Variants in UTRN observed in about 807,000 individuals in gnomAD.
The protein encoded by UTRN is dystrophin-related protein 1.
UTRN carries 283 observed loss-of-function variants against 463.9 expected under a neutral mutation model. The ratio of observed to expected loss-of-function variants is 0.61; its 90% CI spans 0.55 to 0.67. The LOEUF is 0.67. Among genes scored for constraint, UTRN ranks in the 30% least tolerant of loss-of-function variants. The pLI, the probability that UTRN is intolerant of heterozygous loss-of-function variation, is 0.00. For missense variants in UTRN, 3,922 were observed against 4,084.3 expected (o/e 0.96, Z 1.08); for synonymous variants, 1,442 against 1,431.5 (o/e 1.01, Z -0.17).
chr6:144,701,026 C>G (rs927494115), intron 53 of UTRN, among the ~76,000 whole-genome samples: 3 of 152,058 alleles, frequency 2.0e-5, no homozygotes, highest in African/African-American at 7.2e-5. Context: ...CCTGCCTCAG[C>G]CTCCCAAGTA....
intron 51 of UTRN, among the ~76,000 whole-genome samples, chr6:144,603,267 T>A (rs1365407797): frequency 6.6e-6 from 1 of 152,214 alleles, no homozygotes; most frequent in East Asian, 1.9e-4. Flanking sequence ...TATCTTTTAC[T>A]GTAACAAATG....
At chr6:144,619,973 TG>T (rs1189739797) in intron 51 of UTRN, among the ~76,000 whole-genome samples, 2 of 152,172 alleles carry the variant, frequency 1.3e-5, no homozygotes, top group Non-Finnish European at 2.9e-5. Flanking sequence ...ACATGTAATG[TG>T]TAAGTGTGGA....
chr6:144,656,721 A>G (rs980296736), intron 51 of UTRN, among the ~76,000 whole-genome samples: 1 of 152,218 alleles, frequency 6.6e-6, no homozygotes, highest in Non-Finnish European at 1.5e-5. Flanking sequence ...TATATTAGAT[A>G]TTTAGCTATT....
intron 2 of UTRN, among the ~76,000 whole-genome samples, chr6:144,336,714 C>T (rs1288442396): frequency 6.6e-6 from 1 of 152,092 alleles, no homozygotes; most frequent in East Asian, 1.9e-4. Flanking sequence ...ATTACTCCCT[C>T]TTTCTTTTTT....
At chr6:144,754,644 T>C in intron 56 of UTRN, 76 bp from the exon 57 acceptor site, 1 of 1,517,110 alleles carries the variant, frequency 6.6e-7, no homozygotes, top group Non-Finnish European at 9.1e-7. Flanking sequence ...ATTATAGTCT[T>C]TAAAGCAAAA....
At chr6:144,289,821 G>A (rs1453019243) in intron 1 of UTRN, among the ~76,000 whole-genome samples, 1 of 151,750 alleles carries the variant, frequency 6.6e-6, no homozygotes. Flanking sequence ...GCTAATTTTT[G>A]TATTTTTTTT....
chr6:144,444,326 C>A lies in UTRN; in HGVS notation c.1558C>A (p.Arg520Ser). 1.9e-6 allele frequency: 3 copies of A among 1,611,456 alleles called. No individual in the cohort carries two copies. Among genetic ancestry groups the A allele is most frequent in the East Asian group, 4.5e-5 (2 of 44,642 alleles). The change falls in exon 14 of 75, where the codon CGC becomes AGC. Residue 520 changes from arginine (R) to serine (S), a missense_variant. By Grantham distance (110) the Arg-to-Ser change is moderately radical (BLOSUM62 -1). Around this residue, in one of 3 missense-constraint regions of UTRN, gnomAD observed 2,349 missense variants for 2,303.8 expected, o/e 1.02. Coordinates refer to ENST00000367545, the MANE Select transcript of UTRN (RefSeq NM_007124.3). ...WTAVCRWTEE[R>S]WNRLQEINIL... is the part of the protein sequence containing the mutation. The stretch of plus-strand genomic sequence containing the variant: ...AGCAGTATGCCGTTGGACTGAAGAA[C>A]GCTGGAATAGGTTACAAGAAATCAA...
chr6:144,507,215 C>T (rs1466986970), intron 34 of UTRN, among the ~76,000 whole-genome samples: 3 of 151,714 alleles, frequency 2.0e-5, no homozygotes, highest in Admixed American at 2.0e-4. Flanking sequence ...AGAACTTGCT[C>T]CTTTAGCTTG....
At chr6:144,653,361 G>A (rs980057895) in intron 51 of UTRN, among the ~76,000 whole-genome samples, 1 of 152,132 alleles carries the variant, frequency 6.6e-6, no homozygotes, top group Non-Finnish European at 1.5e-5. Flanking sequence ...TGAGGCAAGT[G>A]GATCACGAGG....
At chr6:144,809,521 A>G (rs764910968) in intron 65 of UTRN, among the ~76,000 whole-genome samples, 3 of 152,164 alleles carry the variant, frequency 2.0e-5, no homozygotes. Flanking sequence ...GAAGAGGTTT[A>G]TTTATAATAT....
rs996361984 is a variant in UTRN at position 144,302,863 on chromosome 6, G to A, written c.79+10956G>A. ...ACAGTGTGGGAAGAACATTGCAGAT[G>A]ATGAGAAAAGAGCAAGGCATTTGAA... On this transcript the variant is annotated intron_variant, in intron 2 of 74. Coordinates refer to ENST00000367545, the MANE Select transcript of UTRN (RefSeq NM_007124.3). 2.6e-5 allele frequency among the ~76,000 whole-genome samples: 4 copies of A among 152,298 alleles called. No individual in the cohort carries two copies. In the South Asian group the frequency reaches 8.3e-4, roughly 32 times the overall value.
intron 4 of UTRN, 132 bp from the exon 5 acceptor site, chr6:144,423,417 C>A: frequency 1.2e-6 from 1 of 813,850 alleles, no homozygotes; most frequent in Non-Finnish European, 2.0e-6. Flanking sequence ...TAACCTGAGA[C>A]CTCAGCCAGA....
At chr6:144,512,568 T>G (rs934873192) in intron 35 of UTRN, among the ~76,000 whole-genome samples, 2 of 152,078 alleles carry the variant, frequency 1.3e-5, no homozygotes, top group African/African-American at 4.8e-5. Context: ...TTTTTTTTTT[T>G]TCTGAGGCTG....
chr6:144,521,952 TA>T lies in UTRN; in HGVS notation c.5542-27del, dbSNP rs374237571. 6.8e-3 allele frequency: 7,894 copies of T among 1,153,810 alleles called. 51 individuals carry two copies. Among genetic ancestry groups the T allele is most frequent in the African/African-American group, 0.055 (2,719 of 49,596 alleles). The allele number at this position is 1,153,810 out of a possible 1,614,324, so 71.5% of individuals were successfully genotyped here. A position where few individuals can be genotyped will look rare whatever the true frequency, so the allele number is the denominator to read the frequency against. ...ATTTTAAGAGATATATATATATATA[TA>T]TATTTTTTTTTTTGCTGTTTTTGTA... On this transcript the variant is annotated intron_variant, in intron 39 of 74. Coordinates refer to ENST00000367545, the MANE Select transcript of UTRN (RefSeq NM_007124.3).
intron 2 of UTRN, among the ~76,000 whole-genome samples, chr6:144,371,181 G>A (rs1205953574): frequency 6.6e-6 from 1 of 152,134 alleles, no homozygotes; most frequent in Non-Finnish European, 1.5e-5. Flanking sequence ...ACTAACGTGA[G>A]TATTAAAATA....
chr6:144,759,695 T>C (rs1383777966), intron 58 of UTRN, among the ~76,000 whole-genome samples: 1 of 152,090 alleles, frequency 6.6e-6, no homozygotes, highest in East Asian at 1.9e-4. Context: ...TTGAGAATGC[T>C]AGCTACTAGC....
Position 144,453,851 on chromosome 6 carries a change from G to T in UTRN, c.2266G>T (p.Val756Leu), listed in dbSNP as rs755018162. ...DELNQTGQIL[V>L]EQMGKEGLPT... ...ATTAAACCAAACTGGACAAATCCTTGTGGAGCAAATGGGAAAAGGTAAGAT... is the reference window on the plus strand; with the variant it reads ...ATTAAACCAAACTGGACAAATCCTTTTGGAGCAAATGGGAAAAGGTAAGAT... The change falls in exon 19 of 75, where the codon GTG (valine) becomes TTG (leucine). Residue 756 changes from valine to leucine, a missense_variant. Transcript: ENST00000367545. 1 of 1,613,306 alleles carries T rather than the reference G, an allele frequency of 6.2e-7. No individual in the cohort carries two copies. The highest frequency in any genetic ancestry group is 1.1e-5 in the South Asian group (1 of 90,984).
At chr6:144,601,950 A>G (rs1804293238) in intron 51 of UTRN, among the ~76,000 whole-genome samples, 1 of 152,150 alleles carries the variant, frequency 6.6e-6, no homozygotes, top group African/African-American at 2.4e-5. Flanking sequence ...CAGATAGACA[A>G]TCGTTAGCAT....
chr6:144,706,005 A>G (rs1785050369), intron 53 of UTRN, among the ~76,000 whole-genome samples: 1 of 152,032 alleles, frequency 6.6e-6, no homozygotes, highest in African/African-American at 2.4e-5. Context: ...ACCTACCCGT[A>G]ATTATTTATC....
Sources: allele counts gnomAD v4.1 joint callset (sites outside exome capture counted in the v4.1 genomes callset), GRCh38; gene constraint gnomAD v4.1.1; regional missense constraint gnomAD v4.1.1; transcripts MANE v1.5; gene names NCBI Gene and HGNC (gene_info 2026-07-23, HGNC 2026-07-21).